ABAT: variants seen among roughly 807,000 people sequenced by gnomAD.
ABAT encodes 4-aminobutyrate aminotransferase.
Under a neutral mutation model 64.6 loss-of-function variants are expected in ABAT, and 45 were observed. That is an observed-to-expected ratio of 0.70 (90% CI 0.55 to 0.89). The LOEUF (loss-of-function observed/expected upper bound fraction) is 0.89, where lower values mean the gene tolerates loss of function less well. Ranked by LOEUF, ABAT falls within the 40% of genes least tolerant of loss-of-function variation. The pLI is 0.00. For synonymous variants in ABAT, 297 were observed against 250.5 expected (o/e 1.19, Z -1.75); for missense variants, 633 against 658.4 (o/e 0.96, Z 0.42).
rs1305407481 is a variant in ABAT, at chr16:8,775,070, C to T, written c.1122+13C>T. 1.2e-6 allele frequency: 2 copies of T among 1,614,044 alleles called. No individual in the cohort carries two copies. Among genetic ancestry groups the T allele is most frequent in the Non-Finnish European group, 1.7e-6 (2 of 1,180,026 alleles). ...CAGGCCTAATGCTGTGAGTTGGAGC[C>T]AACCTTCTCTCTACATCCAGGGCAG... On this transcript the variant is annotated intron_variant, in intron 13 of 15. Coordinates refer to ENST00000268251, the MANE Select transcript of ABAT (RefSeq NM_020686.6).
intron 3 of ABAT, among the ~76,000 whole-genome samples, chr16:8,747,285 G>A (rs572113122): frequency 6.6e-6 from 1 of 152,064 alleles, no homozygotes; most frequent in Admixed American, 6.6e-5. Context: ...TTTTTTCTTT[G>A]CACATTTTGC....
intron 1 of ABAT, among the ~76,000 whole-genome samples, chr16:8,677,044 A>G (rs2057219980): frequency 6.6e-6 from 1 of 152,200 alleles, no homozygotes; most frequent in South Asian, 2.1e-4. Context: ...TCAAAGCATG[A>G]GGAGGACCAC....
Position 8,735,734 on chromosome 16 carries a change from G to A in ABAT, c.-6G>A. The A allele has an allele frequency of 6.2e-7, 1 of 1,600,516 alleles. No homozygotes were observed. The highest frequency in any genetic ancestry group is 8.5e-7 in the Non-Finnish European group (1 of 1,173,406). ...CGCAAAGGGTGTCCCTGTCCCTCAA[G>A]GGGTCATGGCCTCCATGTTGCTCGC... On this transcript the variant is annotated 5_prime_UTR_variant, in exon 2 of 16. Coordinates refer to ENST00000268251, the MANE Select transcript of ABAT (RefSeq NM_020686.6).
chr16:8,689,103 A>G (rs1471242358), intron 1 of ABAT, among the ~76,000 whole-genome samples: 2 of 151,480 alleles, frequency 1.3e-5, no homozygotes, highest in African/African-American at 4.9e-5. Flanking sequence ...AAAAAGTTCA[A>G]CGTCATTTGT....
intron 1 of ABAT, among the ~76,000 whole-genome samples, chr16:8,679,435 C>G (rs1039575162): frequency 6.6e-6 from 1 of 151,214 alleles, no homozygotes; most frequent in Non-Finnish European, 1.5e-5. Context: ...CTTCCACCCA[C>G]GTGATGACCT....
At chr16:8,707,360 T>TTTC in intron 1 of ABAT, among the ~76,000 whole-genome samples, 1 of 149,104 alleles carries the variant, frequency 6.7e-6, no homozygotes, top group African/African-American at 2.5e-5. Flanking sequence ...GTAATTTTTT[T>TTTC]TTTTTTTTTT....
At chr16:8,705,974 A>G (rs2057931485) in intron 1 of ABAT, among the ~76,000 whole-genome samples, 1 of 152,160 alleles carries the variant, frequency 6.6e-6, no homozygotes, top group South Asian at 2.1e-4. Flanking sequence ...TGAGGGAGTG[A>G]CATTTCTTCC....
intron 8 of ABAT, 101 bp from the exon 9 acceptor site, chr16:8,766,107 C>T: frequency 9.1e-7 from 1 of 1,103,130 alleles, no homozygotes; most frequent in Non-Finnish European, 1.4e-6. Context: ...CCTGAGAAAG[C>T]ACTTTCTACT....
At chr16:8,765,028 G>C (rs1237739974) in intron 8 of ABAT, among the ~76,000 whole-genome samples, 198 bp downstream of exon 8, 1 of 152,062 alleles carries the variant, frequency 6.6e-6, no homozygotes, top group Non-Finnish European at 1.5e-5. Context: ...CTGAGGCTTT[G>C]GCATCAAAAC....
chr16:8,747,134 C>T (rs1241008905), intron 3 of ABAT, among the ~76,000 whole-genome samples: 1 of 152,172 alleles, frequency 6.6e-6, no homozygotes. Flanking sequence ...CCTCCTTCTG[C>T]TGGCCAAAGC....
At chr16:8,744,014 G>A (rs569944054) in intron 2 of ABAT, among the ~76,000 whole-genome samples, 1 of 152,224 alleles carries the variant, frequency 6.6e-6, no homozygotes, top group South Asian at 2.1e-4. Flanking sequence ...TTGTGTTTCA[G>A]CAACATGTGG....
chr16:8,753,134 C>G (rs1160699598), intron 5 of ABAT, among the ~76,000 whole-genome samples: 27 of 150,700 alleles, frequency 1.8e-4, no homozygotes, highest in Admixed American at 1.7e-3. Flanking sequence ...TGCTCTGTCG[C>G]CCAGGCTGGA....
chr16:8,683,117 C>T (rs149445323), intron 1 of ABAT: 19 of 152,298 alleles, frequency 1.2e-4, no homozygotes, highest in African/African-American at 4.3e-4. Flanking sequence ...ACACTGGCCT[C>T]GCTTTACCCG....
At chr16:8,690,198 T>C (rs2057548270) in intron 1 of ABAT, among the ~76,000 whole-genome samples, 1 of 152,212 alleles carries the variant, frequency 6.6e-6, no homozygotes, top group African/African-American at 2.4e-5. Context: ...AGCAGCAGCA[T>C]CTGCCTGGCA....
At position 8,772,378 on chromosome 16, in the gene ABAT, G is replaced by A. The variant is rs139610985; in HGVS notation, c.817-402G>A. ...CCCACATAACAAGGTTAAGTGACAG[G>A]TGCATGTTCCATGTAAAACAGAGGC... On this transcript the variant is annotated intron_variant, in intron 11 of 15. Coordinates refer to ENST00000268251, the MANE Select transcript of ABAT (RefSeq NM_020686.6). Among the ~76,000 whole-genome samples the A allele has an allele frequency of 4.6e-4, 70 of 151,086 alleles. 1 individual carries two copies. In the East Asian group the frequency reaches 4.9e-3, roughly 10 times the overall value.
At chr16:8,771,605 A>G (rs2060112866) in intron 11 of ABAT, among the ~76,000 whole-genome samples, 2 of 151,730 alleles carry the variant, frequency 1.3e-5, no homozygotes, top group South Asian at 2.1e-4. Flanking sequence ...AGTAGCTGGG[A>G]GTACAGGCGT....
chr16:8,776,573 T>C lies in ABAT; in HGVS notation c.1269+83T>C. 7.1e-7 allele frequency: 1 copy of C among 1,399,834 alleles called. No homozygotes were observed. Among genetic ancestry groups the C allele is most frequent in the Non-Finnish European group, 9.8e-7 (1 of 1,019,018 alleles). 86.7% of individuals were successfully genotyped at this position (1,399,834 alleles called of 1,614,324 possible). On this transcript the variant is annotated intron_variant, in intron 14 of 15. Coordinates refer to ENST00000268251, the MANE Select transcript of ABAT (RefSeq NM_020686.6). The surrounding 1 kb of genome is among the most constrained non-coding windows in gnomAD (Gnocchi z 4.4). The stretch of plus-strand genomic sequence containing the variant: ...GGGGCAACACTGGAGCTCTTCGGCA[T>C]GGTGTTGTGCCTGCTGTTCCAGCAG...
At chr16:8,729,749 C>T (rs1197285077) in intron 1 of ABAT, among the ~76,000 whole-genome samples, 1 of 150,578 alleles carries the variant, frequency 6.6e-6, no homozygotes, top group African/African-American at 2.4e-5. Flanking sequence ...ATCTCTTGAG[C>T]CCAGGAGTTC....
At chr16:8,716,555 A>G (rs1259023131) in intron 1 of ABAT, among the ~76,000 whole-genome samples, 1 of 152,180 alleles carries the variant, frequency 6.6e-6, no homozygotes, top group East Asian at 1.9e-4. Flanking sequence ...ATGGTCACAC[A>G]GGGTCCCGTG....
Sources: allele counts gnomAD v4.1 joint callset (sites outside exome capture counted in the v4.1 genomes callset), GRCh38; gene constraint gnomAD v4.1.1; non-coding constraint Gnocchi (gnomAD v3.1); transcripts MANE v1.5; gene names NCBI Gene and HGNC (gene_info 2026-07-23, HGNC 2026-07-21).